The following MTAP variants were observed in gnomAD, a reference collection of about 807,000 sequenced individuals.
The protein encoded by MTAP is S-methyl-5'-thioadenosine phosphorylase.
Under a neutral mutation model 33.6 loss-of-function variants are expected in MTAP, and 33 were observed. The observed-to-expected ratio is 0.98, with a 90% CI of 0.74 to 1.31. MTAP has a LOEUF of 1.31. MTAP is among the 40% of genes most tolerant of loss of function. MTAP has a pLI of 0.00. For synonymous variants in MTAP, 148 were observed against 125.7 expected (o/e 1.18, Z -1.19); for missense variants, 367 against 360.0 (o/e 1.02, Z -0.16).
At chr9:21,830,464 G>C (rs1824938777) in intron 4 of MTAP, among the ~76,000 whole-genome samples, 1 of 152,214 alleles carries the variant, frequency 6.6e-6, no homozygotes, top group South Asian at 2.1e-4. Flanking sequence ...AGAGCCACAA[G>C]TCATTTGGCC....
intron 1 of MTAP, among the ~76,000 whole-genome samples, chr9:21,878,605 A>G (rs2118684408): frequency 6.6e-6 from 1 of 152,160 alleles, no homozygotes. Flanking sequence ...CAAGTGATCC[A>G]CCTGCCTTGG....
intron 5 of MTAP, among the ~76,000 whole-genome samples, chr9:21,846,142 G>A (rs990074898): frequency 6.6e-6 from 1 of 152,120 alleles, no homozygotes; most frequent in Non-Finnish European, 1.5e-5. Context: ...TCTAAGACCT[G>A]AAACCATAAA....
chr9:21,903,214 A>G (rs1587286400), intron 1 of MTAP, among the ~76,000 whole-genome samples: 1 of 152,026 alleles, frequency 6.6e-6, no homozygotes, highest in Non-Finnish European at 1.5e-5. Flanking sequence ...CTATATTTAG[A>G]CTCCAGCTGC....
intron 4 of MTAP, among the ~76,000 whole-genome samples, chr9:21,830,112 A>G (rs1163242324): frequency 2.6e-5 from 4 of 152,208 alleles, no homozygotes; most frequent in Non-Finnish European, 5.9e-5. Flanking sequence ...TTCCATAGCA[A>G]TTAAAGTGAA....
intron 1 of MTAP, among the ~76,000 whole-genome samples, chr9:21,813,339 G>C (rs1259826109): frequency 6.6e-6 from 1 of 152,206 alleles, no homozygotes; most frequent in Non-Finnish European, 1.5e-5. Context: ...GATCATTCCA[G>C]AGCAGTAGCC....
chr9:21,854,761 T>C lies in MTAP; in HGVS notation c.581T>C (p.Ile194Thr). Residue 194 changes from isoleucine (I) to threonine (T), a missense_variant, in exon 6 of 8, where the codon ATC (isoleucine) becomes ACC (threonine). By Grantham distance (89) the Ile-to-Thr change is moderately conservative. Coordinates refer to ENST00000644715, the MANE Select transcript of MTAP (RefSeq NM_002451.4). ...FMFRTWGADVINMTTVPEVVL... is the reference protein window; with the variant it reads ...FMFRTWGADVTNMTTVPEVVL... ...TTCCGCACCTGGGGGGCGGATGTTA[T>C]CAACATGACCACAGTTCCAGAGGTG... The C allele has an allele frequency of 6.2e-7, 1 of 1,614,188 alleles. No individual in the cohort carries two copies. Among genetic ancestry groups the C allele is most frequent in the South Asian group, 1.1e-5 (1 of 91,086 alleles).
chr9:21,915,703 TG>T (rs1818677117), intron 1 of MTAP, among the ~76,000 whole-genome samples: 1 of 152,016 alleles, frequency 6.6e-6, no homozygotes, highest in African/African-American at 2.4e-5. Context: ...CAGACTATGG[TG>T]TTGAGAATAT....
At chr9:21,805,798 G>A (rs572499246) in intron 1 of MTAP, among the ~76,000 whole-genome samples, 19 of 152,328 alleles carry the variant, frequency 1.2e-4, no homozygotes, top group Non-Finnish European at 1.5e-5. Context: ...CAGACTATGA[G>A]AAATTTCTGC....
At chr9:21,888,705 A>G (rs190954299) in intron 1 of MTAP, among the ~76,000 whole-genome samples, 2 of 152,240 alleles carry the variant, frequency 1.3e-5, no homozygotes, top group East Asian at 1.9e-4. Flanking sequence ...AGTTTATGTC[A>G]GTCCCTGTGT....
rs192792931 is a variant in MTAP at position 21,844,827 on chromosome 9, C to T, written c.450+6817C>T. Among the ~76,000 whole-genome samples, 1,256 of 152,164 alleles carry T rather than the reference C, an allele frequency of 8.3e-3. 7 individuals are homozygous for T. The highest frequency in any genetic ancestry group is 0.013 in the Non-Finnish European group (869 of 67,996). ...AGGCGGGCGGATCACAAGGTCAGAT[C>T]GAGACCATCCTGGCTAACACGGTGA... On this transcript the variant is annotated intron_variant, in intron 5 of 7. Coordinates refer to ENST00000644715, the MANE Select transcript of MTAP (RefSeq NM_002451.4).
At position 21,864,421 on chromosome 9, in the gene MTAP, C is replaced by T. The variant is rs951308222; in HGVS notation, c.*2407C>T. 3.3e-5 allele frequency: 33 copies of T among 985,132 alleles called. No individual in the cohort carries two copies. In the African/African-American group the frequency reaches 5.4e-4, roughly 16 times the overall value. The allele number at this position is 985,132 out of a possible 1,614,324, so 61.0% of individuals were successfully genotyped here. A position where few individuals can be genotyped will look rare whatever the true frequency, so the allele number is the denominator to read the frequency against. On this transcript the variant is annotated 3_prime_UTR_variant, in exon 8 of 8. Coordinates refer to ENST00000644715, the MANE Select transcript of MTAP (RefSeq NM_002451.4). Reference sequence around the variant, plus strand: ...TCAGTTGTGAGCATTTTGGTTTCCGCAAAGGATGGATGGTGAGCATCATGG... The same window carrying T: ...TCAGTTGTGAGCATTTTGGTTTCCGTAAAGGATGGATGGTGAGCATCATGG...
rs749603132 is a variant in MTAP, at chr9:21,815,498, T to C, written c.99T>C (p.Tyr33=). The C allele has an allele frequency of 4.4e-5, 71 of 1,611,014 alleles. No homozygotes were observed. Among genetic ancestry groups the C allele is most frequent in the Admixed American group, 6.7e-5 (4 of 59,940 alleles). ...TTTTAGAAGGAAGAACTGAAAAATA[T>C]GTGGATACTCCATTTGGCAAGGTTA... ...PEILEGRTEK[Y]VDTPFGKPSD... The change falls in exon 2 of 8, where the codon TAT becomes TAC. Residue 33 remains tyrosine (Y), a synonymous_variant. Coordinates refer to ENST00000644715, the MANE Select transcript of MTAP (RefSeq NM_002451.4).
At position 21,865,280 on chromosome 9, in the gene MTAP, C is replaced by A; in HGVS notation, c.*3266C>A. On this transcript the variant is annotated 3_prime_UTR_variant, in exon 8 of 8. Coordinates refer to ENST00000644715, the MANE Select transcript of MTAP (RefSeq NM_002451.4). Reference sequence around the variant, plus strand: ...CCTTTTGCTCAACACTTCTTCCTGCCATCATGTGAAGAAGGACGTGTTTGT... The same window carrying A: ...CCTTTTGCTCAACACTTCTTCCTGCAATCATGTGAAGAAGGACGTGTTTGT... The A allele has an allele frequency of 2.3e-6, 1 of 438,258 alleles. No homozygotes were observed. Among genetic ancestry groups the A allele is most frequent in the Non-Finnish European group, 3.0e-6 (1 of 330,114 alleles). The allele number at this position is 438,258 out of a possible 1,614,324, so 27.1% of individuals were successfully genotyped here.
At position 21,863,205 on chromosome 9, in the gene MTAP, G is replaced by T. The variant is rs909313615; in HGVS notation, c.*1191G>T. The T allele has an allele frequency of 1.0e-6, 1 of 965,702 alleles. No homozygotes were observed. Among genetic ancestry groups the T allele is most frequent in the Non-Finnish European group, 1.2e-6 (1 of 812,054 alleles). 59.8% of individuals were successfully genotyped at this position (965,702 alleles called of 1,614,324 possible). A position where few individuals can be genotyped will look rare whatever the true frequency, so the allele number is the denominator to read the frequency against. ...TCTGATATTTTAAAAAGTAATGTTT[G>T]ATTCTCCTTTTTATGAGTTAAATTA... On this transcript the variant is annotated 3_prime_UTR_variant, in exon 8 of 8. Coordinates refer to ENST00000644715, the MANE Select transcript of MTAP (RefSeq NM_002451.4).
chr9:21,923,181 G>A (rs565576676), intron 1 of MTAP, among the ~76,000 whole-genome samples: 1 of 152,320 alleles, frequency 6.6e-6, no homozygotes, highest in South Asian at 2.1e-4. Flanking sequence ...CTCCCTTGCA[G>A]ATGTCCATTG....
At chr9:21,872,531 C>T (rs915234391) in intron 1 of MTAP, among the ~76,000 whole-genome samples, 1 of 152,200 alleles carries the variant, frequency 6.6e-6, no homozygotes, top group Non-Finnish European at 1.5e-5. Context: ...TACAGATATA[C>T]ACTGTCACTC....
At chr9:21,887,332 A>G (rs916276969) in intron 1 of MTAP, among the ~76,000 whole-genome samples, 9 of 151,846 alleles carry the variant, frequency 5.9e-5, no homozygotes, top group South Asian at 2.1e-4. Context: ...TCATGGTTCA[A>G]TTCCCACCTA....
intron 1 of MTAP, among the ~76,000 whole-genome samples, chr9:21,894,763 T>A (rs1024058804): frequency 6.6e-6 from 1 of 151,288 alleles, no homozygotes; most frequent in Non-Finnish European, 1.5e-5. Context: ...TATATATATA[T>A]AAAAGAAAAC....
intron 4 of MTAP, among the ~76,000 whole-genome samples, chr9:21,819,639 C>T (rs1426129766): frequency 1.3e-5 from 2 of 152,170 alleles, no homozygotes; most frequent in East Asian, 3.9e-4. Context: ...GATTTATAAT[C>T]CTTTGGGTAT....
Sources: gnomAD v4.1 joint callset for allele counts (sites outside exome capture counted in the v4.1 genomes callset) on GRCh38, gnomAD v4.1.1 for gene constraint, MANE v1.5 for transcripts, NCBI Gene and HGNC (gene_info 2026-07-23, HGNC 2026-07-21) for gene names.